NUP54: variants seen among roughly 807,000 people sequenced by gnomAD.
NUP54 encodes nucleoporin p54.
Under a neutral mutation model 66.4 loss-of-function variants are expected in NUP54, and 27 were observed. That is an observed-to-expected ratio of 0.41 (90% confidence interval 0.30 to 0.56). The LOEUF (loss-of-function observed/expected upper bound fraction) is 0.56, where lower values mean the gene tolerates loss of function less well. Among genes scored for constraint, NUP54 ranks in the 20% least tolerant of loss-of-function variants. NUP54 has a pLI of 0.34. For missense variants in NUP54, 486 were observed against 596.3 expected (o/e 0.82, Z 1.93); for synonymous variants, 206 against 210.7 (o/e 0.98, Z 0.19).
intron 9 of NUP54, among the ~76,000 whole-genome samples, chr4:76,124,234 C>T (rs1234152019): frequency 1.3e-5 from 2 of 151,936 alleles, no homozygotes; most frequent in East Asian, 1.9e-4. Flanking sequence ...TGTTATTATT[C>T]TTTTAATTCC....
chr4:76,117,759 A>C lies in NUP54; in HGVS notation c.1300T>G (p.Leu434Val). 1 of 1,613,820 alleles carries C rather than the reference A, an allele frequency of 6.2e-7. No individual in the cohort carries two copies. ...PTQFKGRLNE[L>V]MSQIRMQNHF... Reference sequence around the variant, plus strand: ...TTCTGCATCCTGATTTGAGACATCAATTCATTTAGTCGGCCCTAAAAGTTA... The same window carrying C: ...TTCTGCATCCTGATTTGAGACATCACTTCATTTAGTCGGCCCTAAAAGTTA... Residue 434 changes from leucine to valine, a missense_variant, in exon 11 of 12, where the codon TTG becomes GTG. Coordinates refer to ENST00000264883, the MANE Select transcript of NUP54 (RefSeq NM_017426.4).
chr4:76,120,824 T>C (rs1463330767), intron 9 of NUP54, among the ~76,000 whole-genome samples: 1 of 152,242 alleles, frequency 6.6e-6, no homozygotes, highest in East Asian at 1.9e-4. Flanking sequence ...CATTTGCTTT[T>C]TCTATGAACT....
At chr4:76,122,142 G>A (rs1220568019) in intron 9 of NUP54, among the ~76,000 whole-genome samples, 1 of 152,166 alleles carries the variant, frequency 6.6e-6, no homozygotes, top group Non-Finnish European at 1.5e-5. Flanking sequence ...CATGTTGATA[G>A]ATGTCCTGTT....
intron 9 of NUP54, chr4:76,118,505 T>C (rs1730059309): frequency 5.2e-6 from 1 of 193,836 alleles, no homozygotes; most frequent in Non-Finnish European, 1.0e-5. Context: ...CCTCAGCTCC[T>C]GAGTAGCTGG....
chr4:76,141,021 C>T (rs1184721462), intron 3 of NUP54, among the ~76,000 whole-genome samples: 1 of 152,192 alleles, frequency 6.6e-6, no homozygotes, highest in Non-Finnish European at 1.5e-5. Context: ...CCTCGATAAT[C>T]CATGCTTTGG....
intron 3 of NUP54, among the ~76,000 whole-genome samples, chr4:76,143,519 G>A (rs766154328): frequency 7.9e-5 from 12 of 152,152 alleles, no homozygotes; most frequent in Non-Finnish European, 1.3e-4. Context: ...CAGAAGTATC[G>A]CTTGAACCTG....
chr4:76,124,993 T>C (rs1284433387), intron 8 of NUP54, among the ~76,000 whole-genome samples: 1 of 151,654 alleles, frequency 6.6e-6, no homozygotes, highest in Non-Finnish European at 1.5e-5. Context: ...AATGAGGCAA[T>C]ACATAGAAAA....
intron 8 of NUP54, among the ~76,000 whole-genome samples, chr4:76,125,760 G>GA (rs1730490773): frequency 4.5e-5 from 1 of 22,010 alleles, no homozygotes; most frequent in African/African-American, 3.0e-4. Context: ...GGGGAGAGGG[G>GA]GAGAGGGGGA....
At chr4:76,120,015 GTTA>G (rs1344574844) in intron 9 of NUP54, among the ~76,000 whole-genome samples, 3 of 151,968 alleles carry the variant, frequency 2.0e-5, no homozygotes, top group Non-Finnish European at 4.4e-5. Context: ...GCTCTAATTT[GTTA>G]TTTTTAATGG....
intron 9 of NUP54, among the ~76,000 whole-genome samples, chr4:76,124,261 A>G (rs1213384525): frequency 6.6e-6 from 1 of 152,040 alleles, no homozygotes; most frequent in Non-Finnish European, 1.5e-5. Context: ...TAATTTGGAA[A>G]TTCTATTGTT....
chr4:76,132,440 A>G (rs1730842435), intron 6 of NUP54, 83 bp downstream of exon 6: 4 of 1,033,796 alleles, frequency 3.9e-6, no homozygotes, highest in Non-Finnish European at 5.4e-6. Context: ...AGCATTAATA[A>G]CCAACCAACA....
At position 76,118,179 on chromosome 4, in the gene NUP54, C is replaced by T. The variant is rs1401469398; in HGVS notation, c.1180G>A (p.Glu394Lys). ...GCATAACCACTCTTCCTTTGAATTTCCTGTTTGATTAGGACCTATACAAAT... is the reference window on the plus strand; with the variant it reads ...GCATAACCACTCTTCCTTTGAATTTTCTGTTTGATTAGGACCTATACAAAT... ...HRTLQVLIKQ[E>K]IQRKSGYAIQ... Residue 394 changes from glutamate to lysine, a missense_variant, in exon 10 of 12, where the codon GAA becomes AAA. By Grantham distance (56) the Glu-to-Lys change is moderately conservative. This residue lies in a region of NUP54 where 217 missense variants were observed against 247.9 expected (regional missense o/e 0.88). Coordinates refer to ENST00000264883, the MANE Select transcript of NUP54 (RefSeq NM_017426.4). The T allele has an allele frequency of 3.1e-6, 5 of 1,613,532 alleles. No individual in the cohort carries two copies. Among genetic ancestry groups the T allele is most frequent in the Non-Finnish European group, 4.2e-6 (5 of 1,179,652 alleles).
chr4:76,117,174 T>C (rs1338900033), intron 11 of NUP54, among the ~76,000 whole-genome samples: 1 of 152,218 alleles, frequency 6.6e-6, no homozygotes, highest in African/African-American at 2.4e-5. Context: ...ATCATAAATA[T>C]TTCCCTTTTA....
chr4:76,115,188 G>GC lies in NUP54; in HGVS notation c.*177dup, dbSNP rs1729893956. On this transcript the variant is annotated 3_prime_UTR_variant, in exon 12 of 12. Transcript: ENST00000264883. The stretch of plus-strand genomic sequence containing the variant: ...ATCTTTCAAAGGTTTTCTTTGAAGA[G>GC]CTGTGAGGTGACTATTTCAGATTTG... 31 of 474,332 alleles carry GC rather than the reference G, an allele frequency of 6.5e-5. No individual in the cohort carries two copies. In the South Asian group the frequency reaches 1.7e-3, roughly 26 times the overall value. 29.4% of individuals were successfully genotyped at this position (474,332 alleles called of 1,614,324 possible). A position where few individuals can be genotyped will look rare whatever the true frequency, so the allele number is the denominator to read the frequency against.
At chr4:76,118,771 A>AG (rs1730083267) in intron 9 of NUP54, among the ~76,000 whole-genome samples, 1 of 151,778 alleles carries the variant, frequency 6.6e-6, no homozygotes, top group Non-Finnish European at 1.5e-5. Flanking sequence ...TTGGGAGGAC[A>AG]AGGCGGGTGG....
rs1162066771 is a variant in NUP54 at position 76,144,148 on chromosome 4, C to T, written c.295+1G>A. Reference sequence around the variant, plus strand: ...TTTGAAGCTGAAAACCTCATACTTACTAGTTTGCTGCTGCTGCTGTGTATT... The same window carrying T: ...TTTGAAGCTGAAAACCTCATACTTATTAGTTTGCTGCTGCTGCTGTGTATT... On this transcript the variant is annotated splice_donor_variant, in intron 3 of 11. Coordinates refer to ENST00000264883, the MANE Select transcript of NUP54 (RefSeq NM_017426.4). LOFTEE classifies it high-confidence loss of function. 6.2e-7 allele frequency: 1 copy of T among 1,611,134 alleles called. No homozygotes were observed. Among genetic ancestry groups the T allele is most frequent in the Non-Finnish European group, 8.5e-7 (1 of 1,178,688 alleles).
At chr4:76,141,397 T>C (rs4267762) in intron 3 of NUP54, among the ~76,000 whole-genome samples, 20,007 of 152,212 alleles carry the variant, frequency 0.13, 1,538 homozygotes, top group East Asian at 0.35. Flanking sequence ...TTCATAAATA[T>C]ATACAACTAC....
intron 8 of NUP54, among the ~76,000 whole-genome samples, chr4:76,127,432 C>CAAAAAAAAAAAAAAAA (rs59383944): frequency 1.8e-5 from 1 of 54,786 alleles, no homozygotes; most frequent in Admixed American, 2.2e-4. Context: ...ACCCCCATCT[C>CAAAAAAAAAAAAAAAA]AAAAAAAAAA....
chr4:76,140,186 T>A (rs920358440), intron 3 of NUP54, among the ~76,000 whole-genome samples: 1 of 151,406 alleles, frequency 6.6e-6, no homozygotes, highest in African/African-American at 2.4e-5. Flanking sequence ...AGATCCTGAG[T>A]CAGGTAAAAA....
Sources: gnomAD v4.1 joint callset for allele counts (sites outside exome capture counted in the v4.1 genomes callset) on GRCh38, gnomAD v4.1.1 for gene constraint, gnomAD v4.1.1 regional missense constraint, MANE v1.5 for transcripts, NCBI Gene and HGNC (gene_info 2026-07-23, HGNC 2026-07-21) for gene names.